DHX15: variants seen among roughly 807,000 people sequenced by gnomAD.
DHX15 encodes ATP-dependent RNA helicase DHX15.
In DHX15, 11 loss-of-function variants were observed where a neutral mutation model predicts 94.4. The ratio of observed to expected loss-of-function variants is 0.12; its 90% CI spans 0.07 to 0.19. The LOEUF (loss-of-function observed/expected upper bound fraction) is 0.19. Among genes scored for constraint, DHX15 ranks in the 10% least tolerant of loss-of-function variants. The pLI is 1.00. For missense variants in DHX15, 304 were observed against 988.5 expected (o/e 0.31, Z 9.29); for synonymous variants, 338 against 329.9 (o/e 1.02, Z -0.27).
intron 12 of DHX15, chr4:24,530,407 A>ATC (rs1721052017): frequency 1.3e-5 from 2 of 152,610 alleles, no homozygotes; most frequent in South Asian, 4.1e-4. Flanking sequence ...GTGAAACCTC[A>ATC]TCTCTACTAA....
intron 1 of DHX15, 104 bp downstream of exon 1, chr4:24,584,219 G>C: frequency 3.3e-6 from 4 of 1,205,264 alleles, no homozygotes; most frequent in Non-Finnish European, 4.7e-6. Flanking sequence ...GAGAAACAAA[G>C]GCTCGGGCTC....
chr4:24,581,823 T>A (rs1355984446), intron 1 of DHX15, among the ~76,000 whole-genome samples: 3 of 152,176 alleles, frequency 2.0e-5, no homozygotes, highest in African/African-American at 7.2e-5. Context: ...TAGTGAAGAT[T>A]CTGTGGGTTG....
intron 2 of DHX15, among the ~76,000 whole-genome samples, chr4:24,575,683 C>G (rs1055367878): frequency 9.2e-5 from 14 of 152,252 alleles, no homozygotes; most frequent in African/African-American, 3.4e-4. Flanking sequence ...CCATGCAAAA[C>G]AACCATGGGA....
chr4:24,564,672 A>C (rs1485553839), intron 3 of DHX15, among the ~76,000 whole-genome samples: 1 of 152,244 alleles, frequency 6.6e-6, no homozygotes, highest in Non-Finnish European at 1.5e-5. Context: ...GACAGGCTCT[A>C]GTTCAACCTG....
chr4:24,541,300 T>C (rs1206330299), intron 8 of DHX15, among the ~76,000 whole-genome samples: 1 of 152,144 alleles, frequency 6.6e-6, no homozygotes, highest in African/African-American at 2.4e-5. Context: ...TTGTGCACCA[T>C]TCTTAGTAGT....
At chr4:24,563,047 A>G (rs1721916877) in intron 3 of DHX15, 1 of 152,082 alleles carries the variant, frequency 6.6e-6, no homozygotes, top group African/African-American at 2.4e-5. Context: ...GTTAACAATA[A>G]ATGAACCTAT....
intron 8 of DHX15, among the ~76,000 whole-genome samples, chr4:24,541,283 G>A (rs1223765142): frequency 6.6e-6 from 1 of 152,006 alleles, no homozygotes; most frequent in Non-Finnish European, 1.5e-5. Context: ...AATTCATCAA[G>A]TTTAAATTGT....
chr4:24,563,516 T>G (rs1577345724), intron 3 of DHX15: 1 of 152,250 alleles, frequency 6.6e-6, no homozygotes, highest in African/African-American at 2.4e-5. Context: ...CTACTTTTTT[T>G]GGGTATAAAC....
At chr4:24,567,683 A>C (rs933907375) in intron 3 of DHX15, among the ~76,000 whole-genome samples, 7 of 152,196 alleles carry the variant, frequency 4.6e-5, no homozygotes, top group Non-Finnish European at 7.4e-5. Flanking sequence ...CATCAAAATG[A>C]ATCAAGGTAT....
rs33972724 is a variant in DHX15, at chr4:24,548,957, G to A, written c.1146C>T (p.Asp382=). Residue 382 remains aspartate (D), a synonymous_variant, in exon 6 of 14, where the codon GAC becomes GAT. Coordinates refer to ENST00000336812, the MANE Select transcript of DHX15 (RefSeq NM_001358.3). The stretch of plus-strand genomic sequence containing the variant: ...TAGAATACAATGGAATGATTTTAAT[G>A]TCACCAACTTCAGGGCCCAAATCAT... ...EVDDLGPEVG[D]IKIIPLYSTL... The A allele has an allele frequency of 0.01, 16,912 of 1,613,784 alleles. 124 individuals are homozygous for A. Among genetic ancestry groups the A allele is most frequent in the Non-Finnish European group, 0.013 (15,137 of 1,179,772 alleles).
intron 1 of DHX15, among the ~76,000 whole-genome samples, chr4:24,582,612 T>C (rs1424892352): frequency 6.6e-6 from 1 of 152,226 alleles, no homozygotes; most frequent in African/African-American, 2.4e-5. Flanking sequence ...GCATTATAAA[T>C]GTCATTAAAA....
rs537495257 is a variant in DHX15 at position 24,554,573 on chromosome 4, G to C, written c.1080+152C>G. ...TACAGAAGTATTCCTACAGTATGCA[G>C]ATAAAAGGGGTTATATATTTTACAT... On this transcript the variant is annotated intron_variant, in intron 5 of 13. Transcript: ENST00000336812. 873 of 609,974 alleles carry C rather than the reference G, an allele frequency of 1.4e-3. 4 individuals carry two copies. The highest frequency in any genetic ancestry group is 6.6e-3 in the Middle Eastern group (15 of 2,262). 37.8% of individuals were successfully genotyped at this position (609,974 alleles called of 1,614,324 possible).
intron 11 of DHX15, among the ~76,000 whole-genome samples, chr4:24,536,840 A>C (rs1721208455): frequency 6.6e-6 from 1 of 152,208 alleles, no homozygotes; most frequent in South Asian, 2.1e-4. Context: ...GTTTTCTACA[A>C]TTGGTGCTTT....
chr4:24,550,350 T>C (rs140887065), intron 5 of DHX15, among the ~76,000 whole-genome samples: 3,373 of 152,176 alleles, frequency 0.022, 61 homozygotes, highest in South Asian at 0.064. Context: ...TAACCTTAGC[T>C]TACTACAACT....
chr4:24,537,221 T>C lies in DHX15; in HGVS notation c.1787-48A>G. 6.2e-7 allele frequency: 1 copy of C among 1,609,524 alleles called. No individual in the cohort carries two copies. Among genetic ancestry groups the C allele is most frequent in the African/African-American group, 1.3e-5 (1 of 74,842 alleles). ...CAACACAAACGCCCATATCGATGAG[T>C]CACGCATTCACAGATAGAGGAACAA... is the stretch of plus-strand genomic sequence containing the variant. On this transcript the variant is annotated intron_variant, in intron 10 of 13. Coordinates refer to ENST00000336812, the MANE Select transcript of DHX15 (RefSeq NM_001358.3). This position sits in a 1 kb window ranked among gnomAD's most constrained non-coding sequence, Gnocchi z 4.7.
intron 6 of DHX15, among the ~76,000 whole-genome samples, chr4:24,546,917 A>C (rs1175149728): frequency 6.6e-6 from 1 of 151,408 alleles, no homozygotes; most frequent in Admixed American, 6.6e-5. Flanking sequence ...CAAAAAAATC[A>C]AATATTTTTT....
chr4:24,584,535 A>G lies in DHX15; in HGVS notation c.-142T>C, dbSNP rs1722565699. On this transcript the variant is annotated 5_prime_UTR_variant, in exon 1 of 14. Coordinates refer to ENST00000336812, the MANE Select transcript of DHX15 (RefSeq NM_001358.3). ...CACGGTGCGGCCGGAACCAACAGCT[A>G]AAATGGCGGCGGCGACGAGGGCTGG... 2 of 798,830 alleles carry G rather than the reference A, an allele frequency of 2.5e-6. No individual in the cohort carries two copies. The highest frequency in any genetic ancestry group is 1.9e-6 in the Non-Finnish European group (1 of 538,528). 49.5% of individuals were successfully genotyped at this position (798,830 alleles called of 1,614,324 possible).
chr4:24,556,885 A>G (rs1037672059), intron 3 of DHX15, among the ~76,000 whole-genome samples: 55 of 152,348 alleles, frequency 3.6e-4, no homozygotes, highest in African/African-American at 1.2e-3. Context: ...TAAGCTAACA[A>G]CAGGCTCTTG....
At chr4:24,573,545 C>T (rs1346653208) in intron 2 of DHX15, among the ~76,000 whole-genome samples, 1 of 152,132 alleles carries the variant, frequency 6.6e-6, no homozygotes, top group Non-Finnish European at 1.5e-5. Context: ...CAAGGCCCTT[C>T]ACAGAATCGA....
Sources: gnomAD v4.1 joint callset for allele counts (sites outside exome capture counted in the v4.1 genomes callset) on GRCh38, gnomAD v4.1.1 for gene constraint, Gnocchi (gnomAD v3.1) non-coding constraint, MANE v1.5 for transcripts, NCBI Gene and HGNC (gene_info 2026-07-23, HGNC 2026-07-21) for gene names.